Variants in MAP4 observed in about 807,000 individuals in gnomAD.
MAP4 encodes microtubule-associated protein 4.
In MAP4, 76 loss-of-function variants were observed where a neutral mutation model predicts 170.2. The ratio of observed to expected loss-of-function variants is 0.45; its 90% confidence interval spans 0.37 to 0.54. MAP4 has a LOEUF of 0.54. Among genes scored for constraint, MAP4 ranks in the 20% least tolerant of loss-of-function variants. The probability of loss-of-function intolerance (pLI) is 0.00; values close to 1 mark genes in which losing one functional copy is unlikely to be tolerated. For missense variants in MAP4, 2,506 were observed against 2,748.0 expected (o/e 0.91, Z 1.97); for synonymous variants, 909 against 994.5 (o/e 0.91, Z 1.62).
At chr3:47,915,451 C>T (rs947858749) in intron 7 of MAP4, among the ~76,000 whole-genome samples, 7 of 151,644 alleles carry the variant, frequency 4.6e-5, no homozygotes, top group African/African-American at 1.2e-4. Context: ...AAATAACAAA[C>T]GTTTGTTAAA....
At chr3:47,973,720 G>A (rs1023188203) in intron 3 of MAP4, 16 of 985,258 alleles carry the variant, frequency 1.6e-5, no homozygotes, top group South Asian at 1.4e-4. Context: ...GACTGGTTAC[G>A]AGCAATAGAA....
rs1403652198 is a variant in MAP4 at position 47,909,691 on chromosome 3, G to C, written c.4730C>G (p.Pro1577Arg). The change falls in exon 9 of 21, where the codon CCT becomes CGT. Residue 1577 changes from proline (P) to arginine (R), a missense_variant. Around this residue, in one of 3 missense-constraint regions of MAP4, gnomAD observed 2,008 missense variants for 2,206.0 expected, o/e 0.91. Coordinates refer to ENST00000683076, the MANE Select transcript of MAP4 (RefSeq NM_001385682.1). ...VTELAKGHLL[P>R]GVPVEDQSLP... ...GCTCTGGTCTTCTACTGGCACTCCA[G>C]GAAGGAGGTGACCTTTTGCTAGCTC... 1 of 1,613,966 alleles carries C rather than the reference G, an allele frequency of 6.2e-7. No individual in the cohort carries two copies. Among genetic ancestry groups the C allele is most frequent in the African/African-American group, 1.3e-5 (1 of 75,040 alleles).
chr3:47,935,310 T>C (rs1248545437), intron 3 of MAP4, among the ~76,000 whole-genome samples: 1 of 151,868 alleles, frequency 6.6e-6, no homozygotes, highest in Non-Finnish European at 1.5e-5. Flanking sequence ...AGAGACAAAG[T>C]GGGGAAGACA....
In MAP4 at chr3:47,998,705, A is replaced by G. The variant is rs758605256; in HGVS notation, c.156T>C (p.Asp52=). 8.1e-6 allele frequency: 13 copies of G among 1,614,148 alleles called. No homozygotes were observed. The South Asian group carries it at 1.3e-4, about 16-fold the overall frequency. ...VGKTDYIPLL[D]VDEKTGNSES... ...CTGAGTTCCCGGTTTTCTCATCAAC[A>G]TCCAGGAGAGGAATATAGTCTGTTT... Residue 52 remains aspartate, a synonymous_variant, in exon 2 of 21, where the codon GAT becomes GAC. Coordinates refer to ENST00000683076, the MANE Select transcript of MAP4 (RefSeq NM_001385682.1).
At chr3:48,024,275 A>C (rs1433937683) in intron 1 of MAP4, among the ~76,000 whole-genome samples, 1 of 152,108 alleles carries the variant, frequency 6.6e-6, no homozygotes, top group Non-Finnish European at 1.5e-5. Context: ...ACACCACTGC[A>C]CTCCAGCCTG....
chr3:47,940,429 C>T (rs556858143), intron 3 of MAP4, among the ~76,000 whole-genome samples: 3 of 152,234 alleles, frequency 2.0e-5, no homozygotes, highest in East Asian at 3.9e-4. Flanking sequence ...GAGTCTATTT[C>T]AGTAAAACTA....
chr3:47,928,096 A>G, intron 4 of MAP4, 132 bp downstream of exon 4: 3 of 1,075,306 alleles, frequency 2.8e-6, no homozygotes, highest in Non-Finnish European at 4.0e-6. Context: ...AGAGAAAGGG[A>G]CAAACCAATG....
Position 47,857,524 on chromosome 3 carries a change from G to A in MAP4, c.6502-12C>T. ...TTCTGAATCTGAACCTGAAGAGAAG[G>A]ACACAAAAGACTCATTCAGAGAGAA... On this transcript the variant is annotated splice_polypyrimidine_tract_variant and intron_variant, in intron 17 of 20. Coordinates refer to ENST00000683076, the MANE Select transcript of MAP4 (RefSeq NM_001385682.1). 1 of 1,576,794 alleles carries A rather than the reference G, an allele frequency of 6.3e-7. No homozygotes were observed. Among genetic ancestry groups the A allele is most frequent in the Non-Finnish European group, 8.7e-7 (1 of 1,146,938 alleles).
At chr3:48,052,427 G>A (rs115157161) in intron 1 of MAP4, among the ~76,000 whole-genome samples, 1 of 152,036 alleles carries the variant, frequency 6.6e-6, no homozygotes, top group Non-Finnish European at 1.5e-5. Flanking sequence ...TCGCTATATC[G>A]GTCGGGCTGG....
intron 3 of MAP4, among the ~76,000 whole-genome samples, chr3:47,957,919 A>G (rs1181394348): frequency 6.6e-6 from 1 of 152,202 alleles, no homozygotes. Flanking sequence ...TATATCTAGC[A>G]ATCACTGAAT....
intron 2 of MAP4, among the ~76,000 whole-genome samples, chr3:47,997,695 A>ACC (rs1248614836): frequency 6.6e-6 from 1 of 151,316 alleles, no homozygotes. Context: ...ATAAACCTCT[A>ACC]CCTAGACTTA....
chr3:48,006,610 T>C (rs1013707081), intron 1 of MAP4, among the ~76,000 whole-genome samples: 4 of 152,106 alleles, frequency 2.6e-5, no homozygotes, highest in Non-Finnish European at 5.9e-5. Flanking sequence ...AAAGGCCAAA[T>C]AGAAGCCCTT....
At chr3:47,926,466 G>A (rs2153753449) in intron 4 of MAP4, among the ~76,000 whole-genome samples, 1 of 152,148 alleles carries the variant, frequency 6.6e-6, no homozygotes, top group Non-Finnish European at 1.5e-5. Flanking sequence ...TTACAAGTGT[G>A]AGCCACCACG....
intron 12 of MAP4, among the ~76,000 whole-genome samples, chr3:47,872,477 C>T (rs2093705115): frequency 6.6e-6 from 1 of 152,238 alleles, no homozygotes; most frequent in Non-Finnish European, 1.5e-5. Flanking sequence ...GCCACTGCAC[C>T]TGGACACAAG....
chr3:47,975,980 G>A (rs1023533079), intron 3 of MAP4, among the ~76,000 whole-genome samples: 1 of 152,048 alleles, frequency 6.6e-6, no homozygotes, highest in African/African-American at 2.4e-5. Context: ...AGCAGAGATG[G>A]GGTTTCACCA....
At chr3:48,045,980 A>ACTT (rs1012556787) in intron 1 of MAP4, among the ~76,000 whole-genome samples, 1 of 139,024 alleles carries the variant, frequency 7.2e-6, no homozygotes. Context: ...TTCTTGCATC[A>ACTT]CTTCTTTTTT....
At chr3:47,970,284 G>A (rs1291131675) in intron 3 of MAP4, among the ~76,000 whole-genome samples, 4 of 152,102 alleles carry the variant, frequency 2.6e-5, no homozygotes, top group South Asian at 2.1e-4. Context: ...TTGGGAGTTC[G>A]AGACCAGCCT....
At position 47,909,774 on chromosome 3, in the gene MAP4, T is replaced by C; in HGVS notation, c.4647A>G (p.Ile1549Met). The change falls in exon 9 of 21, where the codon ATA (isoleucine) becomes ATG (methionine). Residue 1549 changes from isoleucine to methionine, a missense_variant. Physicochemically the swap from Ile to Met is conservative, Grantham distance 10. Coordinates refer to ENST00000683076, the MANE Select transcript of MAP4 (RefSeq NM_001385682.1). ...NEAGIDEGHVIGESESVHSGA... is the reference protein window; with the variant it reads ...NEAGIDEGHVMGESESVHSGA... ...CACTGTGCACTGACTCAGATTCTCC[T>C]ATCACATGCCCTTCATCGATCCCTG... is the stretch of plus-strand genomic sequence containing the variant. 4 of 1,614,030 alleles carry C rather than the reference T, an allele frequency of 2.5e-6. No individual in the cohort carries two copies. Among genetic ancestry groups the C allele is most frequent in the Non-Finnish European group, 3.4e-6 (4 of 1,179,884 alleles).
chr3:47,909,731 C>G lies in MAP4; in HGVS notation c.4690G>C (p.Val1564Leu). Residue 1564 changes from valine (V) to leucine (L), a missense_variant, in exon 9 of 21, where the codon GTA (valine) becomes CTA (leucine). Transcript: ENST00000683076. ...TTTGCTAGCTCTGTGACTTTCTCTA[C>G]TGAATGCTTAGACGCACCACTGTGC... ...SVHSGASKHS[V>L]EKVTELAKGH... 1.2e-6 allele frequency: 2 copies of G among 1,614,022 alleles called. No individual in the cohort carries two copies. Among genetic ancestry groups the G allele is most frequent in the Non-Finnish European group, 1.7e-6 (2 of 1,179,896 alleles).
Sources: gnomAD v4.1 joint callset for allele counts (sites outside exome capture counted in the v4.1 genomes callset) on GRCh38, gnomAD v4.1.1 for gene constraint, gnomAD v4.1.1 regional missense constraint, MANE v1.5 for transcripts, NCBI Gene and HGNC (gene_info 2026-07-23, HGNC 2026-07-21) for gene names.